SSBP3: variants seen among roughly 807,000 people sequenced by gnomAD.
The protein encoded by SSBP3 is single-stranded DNA-binding protein 3.
A neutral mutation model predicts 69.6 loss-of-function variants in SSBP3; 5 were observed. The observed-to-expected ratio is 0.07, with a 90% confidence interval of 0.04 to 0.15. The LOEUF (loss-of-function observed/expected upper bound fraction) is 0.15. Ranked by LOEUF, SSBP3 falls within the 10% of genes least tolerant of loss-of-function variation. The probability of loss-of-function intolerance (pLI) is 1.00; values close to 1 mark genes in which losing one functional copy is unlikely to be tolerated. For synonymous variants in SSBP3, 196 were observed against 193.4 expected, an observed-to-expected ratio of 1.01 and a Z score of -0.11; for missense variants, 312 against 534.0, an observed-to-expected ratio of 0.58 and a Z score of 4.10.
chr1:54,374,266 T>C (rs1406695149), intron 4 of SSBP3, among the ~76,000 whole-genome samples: 1 of 152,200 alleles, frequency 6.6e-6, no homozygotes, highest in African/African-American at 2.4e-5. Flanking sequence ...ATCCAGAGAC[T>C]GGGTAGCCAG....
chr1:54,268,180 T>G (rs56810366), intron 5 of SSBP3, among the ~76,000 whole-genome samples: 92 of 152,314 alleles, frequency 6.0e-4, no homozygotes, highest in Middle Eastern at 3.4e-3. Flanking sequence ...CCAGACCCAC[T>G]CCAGTCCTCT....
intron 4 of SSBP3, among the ~76,000 whole-genome samples, chr1:54,302,318 A>ATTTTTT (rs10686460): frequency 6.9e-5 from 10 of 144,716 alleles, no homozygotes; most frequent in African/African-American, 2.3e-4. Context: ...TCTGAGCATA[A>ATTTTTT]TTTTTTTTTT....
intron 4 of SSBP3, among the ~76,000 whole-genome samples, chr1:54,355,596 G>A (rs2100602534): frequency 6.6e-6 from 1 of 152,174 alleles, no homozygotes; most frequent in East Asian, 1.9e-4. Flanking sequence ...TGATCCACCC[G>A]GCTCAGCCTC....
chr1:54,316,709 TAAAA>T (rs1228371506), intron 4 of SSBP3, among the ~76,000 whole-genome samples: 2 of 113,392 alleles, frequency 1.8e-5, no homozygotes, highest in African/African-American at 4.3e-5. Context: ...AATAAATAAA[TAAAA>T]TAAAATAAAA....
chr1:54,294,179 G>GA (rs1645662768), intron 4 of SSBP3, among the ~76,000 whole-genome samples: 1 of 112,590 alleles, frequency 8.9e-6, no homozygotes, highest in East Asian at 2.8e-4. Context: ...AAGAAAGAAA[G>GA]AAAGAAAGAA....
At chr1:54,272,679 A>T (rs1250001611) in intron 5 of SSBP3, among the ~76,000 whole-genome samples, 1 of 152,146 alleles carries the variant, frequency 6.6e-6, no homozygotes, top group Non-Finnish European at 1.5e-5. Flanking sequence ...GGGAGCAGCC[A>T]CGGTACAGTG....
exon 18 of SSBP3, chr1:54,226,009 CAGCCCCCCA>C (rs1644279709): frequency 6.6e-6 from 1 of 152,398 alleles, no homozygotes; most frequent in South Asian, 2.1e-4. Flanking sequence ...ACCGGAACTC[CAGCCCCCCA>C]AGCCGGTGCA....
At chr1:54,254,152 C>CA (rs1347405939) in intron 7 of SSBP3, among the ~76,000 whole-genome samples, 1 of 152,236 alleles carries the variant, frequency 6.6e-6, no homozygotes, top group Non-Finnish European at 1.5e-5. Context: ...GCTGTGCACA[C>CA]ACCCCTGGGG....
chr1:54,354,950 A>G (rs935901750), intron 4 of SSBP3, among the ~76,000 whole-genome samples: 2 of 152,194 alleles, frequency 1.3e-5, no homozygotes, highest in African/African-American at 4.8e-5. Flanking sequence ...ATGAAAAATC[A>G]TGAATGCCTC....
chr1:54,352,401 G>A (rs1296864293), intron 4 of SSBP3, among the ~76,000 whole-genome samples: 2 of 152,114 alleles, frequency 1.3e-5, no homozygotes, highest in Non-Finnish European at 2.9e-5. Context: ...GACTGGTAAG[G>A]TGGCTTCTTC....
At chr1:54,229,814 C>T (rs957952601) in intron 14 of SSBP3, among the ~76,000 whole-genome samples, 16 of 152,150 alleles carry the variant, frequency 1.1e-4, no homozygotes, top group African/African-American at 3.9e-4. Flanking sequence ...GTGCCACAGA[C>T]GCAGAGCTGA....
intron 4 of SSBP3, among the ~76,000 whole-genome samples, chr1:54,395,890 G>A (rs1163953892): frequency 2.0e-5 from 3 of 151,830 alleles, no homozygotes; most frequent in Middle Eastern, 3.2e-3. Context: ...CCTTGCCAAG[G>A]CTACAAAAAA....
At position 54,258,261 on chromosome 1, in the gene SSBP3, C is replaced by CG. The variant is rs527734309; in HGVS notation, c.367-113dup. On this transcript the variant is annotated intron_variant, in intron 5 of 17. Transcript: ENST00000610401. The surrounding 1 kb of genome is among the most constrained non-coding windows in gnomAD (Gnocchi z 4.5). ...AAACGAAGGGTGGGCGGCGGGCGTG[C>CG]GGGGGGGTGGGCTCTGGTTGGTGGG... The CG allele has an allele frequency of 2.3e-3, 344 of 149,834 alleles. 1 individual carries two copies. The highest frequency in any genetic ancestry group is 4.5e-3 in the Admixed American group (51 of 11,460). The allele number at this position is 149,834 out of a possible 1,614,324, so 9.3% of individuals were successfully genotyped here. A position where few individuals can be genotyped will look rare whatever the true frequency, so the allele number is the denominator to read the frequency against.
intron 4 of SSBP3, among the ~76,000 whole-genome samples, chr1:54,318,063 C>T (rs948195886): frequency 5.3e-5 from 8 of 152,318 alleles, no homozygotes; most frequent in South Asian, 2.1e-4. Flanking sequence ...CCACTGCGCC[C>T]GGCCTCTCCA....
At chr1:54,263,487 T>G (rs564512229) in intron 5 of SSBP3, among the ~76,000 whole-genome samples, 1 of 152,280 alleles carries the variant, frequency 6.6e-6, no homozygotes, top group East Asian at 1.9e-4. Context: ...TGCAGGGCTG[T>G]GGCACAGCTG....
At chr1:54,243,689 G>A (rs1382885202) in intron 9 of SSBP3, among the ~76,000 whole-genome samples, 2 of 152,204 alleles carry the variant, frequency 1.3e-5, no homozygotes, top group Non-Finnish European at 2.9e-5. Flanking sequence ...GAGGTGAGGA[G>A]GCAGGGAGGC....
At chr1:54,330,476 G>A (rs1646390014) in intron 4 of SSBP3, among the ~76,000 whole-genome samples, 1 of 152,216 alleles carries the variant, frequency 6.6e-6, no homozygotes, top group African/African-American at 2.4e-5. Flanking sequence ...GGCATTGAGT[G>A]TAAAATTCTA....
chr1:54,313,020 CTT>C lies in SSBP3; in HGVS notation c.277-31495_277-31494del, dbSNP rs534805502. On this transcript the variant is annotated intron_variant, in intron 4 of 17. Coordinates refer to ENST00000610401, the Ensembl canonical transcript of SSBP3. ...TGAGCCTGCCCACGTGTGCCTGGAG[CTT>C]TTTTTTTTTTTTTTTTTTCCATTGA... Among the ~76,000 whole-genome samples, 210 of 121,322 alleles carry C rather than the reference CTT, an allele frequency of 1.7e-3. 1 individual carries two copies. The highest frequency in any genetic ancestry group is 5.7e-3 in the African/African-American group (176 of 30,960). The allele number at this position is 121,322 out of a possible 152,430, so 79.6% of individuals were successfully genotyped here.
At chr1:54,372,243 G>T (rs938052455) in intron 4 of SSBP3, among the ~76,000 whole-genome samples, 7 of 152,332 alleles carry the variant, frequency 4.6e-5, no homozygotes, top group African/African-American at 1.7e-4. Flanking sequence ...TTGGTCTGGA[G>T]GATTAAACTA....
Sources: gnomAD v4.1 joint callset for allele counts (sites outside exome capture counted in the v4.1 genomes callset) on GRCh38, gnomAD v4.1.1 for gene constraint, Gnocchi (gnomAD v3.1) non-coding constraint, MANE v1.5 for transcripts, NCBI Gene and HGNC (gene_info 2026-07-23, HGNC 2026-07-21) for gene names.